AGAP1: variants seen among roughly 807,000 people sequenced by gnomAD.
AGAP1 encodes the protein ArfGAP with GTPase domain, ankyrin repeat and PH domain 1.
A neutral mutation model predicts 105.3 loss-of-function variants in AGAP1; 29 were observed. The ratio of observed to expected loss-of-function variants is 0.28; its 90% CI spans 0.21 to 0.38. The LOEUF (loss-of-function observed/expected upper bound fraction) is 0.38, where lower values mean the gene tolerates loss of function less well. Ranked by LOEUF, AGAP1 falls within the 10% of genes least tolerant of loss-of-function variation. The probability of loss-of-function intolerance (pLI) is 1.00; values close to 1 mark genes in which losing one functional copy is unlikely to be tolerated. For missense variants in AGAP1, 998 were observed against 1,165.1 expected (o/e 0.86, Z 2.09); for synonymous variants, 509 against 485.9 (o/e 1.05, Z -0.63).
rs561671043 is a variant in AGAP1, at chr2:235,878,520, C to T, written c.1051-4825C>T. ...TAGTTTCCAGCAGCCCTGGGCACCCCGTTCCTGGAATTTGCTAGTCGGGTT... is the reference window on the plus strand; with the variant it reads ...TAGTTTCCAGCAGCCCTGGGCACCCTGTTCCTGGAATTTGCTAGTCGGGTT... On this transcript the variant is annotated intron_variant, in intron 9 of 17. Transcript: ENST00000304032. Among the ~76,000 whole-genome samples, 17 of 152,218 alleles carry T rather than the reference C, an allele frequency of 1.1e-4. No individual in the cohort carries two copies. In the South Asian group the frequency reaches 3.3e-3, roughly 30 times the overall value.
chr2:235,761,729 A>G (rs974598893), intron 6 of AGAP1, among the ~76,000 whole-genome samples: 1 of 152,234 alleles, frequency 6.6e-6, no homozygotes, highest in Non-Finnish European at 1.5e-5. Flanking sequence ...ATATTACTTA[A>G]CTAGGATAGT....
chr2:236,123,836 G>T lies in AGAP1; in HGVS notation c.2371-83G>T, dbSNP rs2059958678. 6.5e-7 allele frequency: 1 copy of T among 1,542,626 alleles called. No individual in the cohort carries two copies. The highest frequency in any genetic ancestry group is 1.4e-5 in the African/African-American group (1 of 73,514). On this transcript the variant is annotated intron_variant, in intron 17 of 17. Coordinates refer to ENST00000304032, the MANE Select transcript of AGAP1 (RefSeq NM_001037131.3). This position sits in a 1 kb window ranked among gnomAD's most constrained non-coding sequence, Gnocchi z 4.6. ...CCCGCTGTCCAAGCACAAGCCACAT[G>T]CAAGGGCTGAGAGAAAGCTTCCCTG...
chr2:235,520,557 C>T (rs1942576372), intron 1 of AGAP1, among the ~76,000 whole-genome samples: 1 of 152,124 alleles, frequency 6.6e-6, no homozygotes, highest in Non-Finnish European at 1.5e-5. Context: ...CTGTGTGGTT[C>T]ATCAGGAGGA....
rs528990899 is a variant in AGAP1, at chr2:235,961,735, C to T, written c.1484-6727C>T. ...CCATCCTGGCCAACATGTTGAAACCCGTCTCTACTAAAAATACGAAAATTA... is the reference window on the plus strand; with the variant it reads ...CCATCCTGGCCAACATGTTGAAACCTGTCTCTACTAAAAATACGAAAATTA... On this transcript the variant is annotated intron_variant, in intron 12 of 17. Transcript: ENST00000304032. The surrounding 1 kb of genome is among the most constrained non-coding windows in gnomAD (Gnocchi z 5.9). 2.3e-3 allele frequency among the ~76,000 whole-genome samples: 344 copies of T among 152,292 alleles called. 1 individual carries two copies. Among genetic ancestry groups the T allele is most frequent in the African/African-American group, 7.9e-3 (330 of 41,552 alleles).
chr2:235,607,786 G>A (rs1044034844), intron 1 of AGAP1, among the ~76,000 whole-genome samples: 24 of 152,340 alleles, frequency 1.6e-4, no homozygotes, highest in African/African-American at 5.8e-4. Context: ...CGAGACTGCT[G>A]CGCTGGTGGG....
At chr2:235,671,055 G>A in intron 1 of AGAP1, 1 of 1,270,376 alleles carries the variant, frequency 7.9e-7, no homozygotes, top group East Asian at 3.1e-5. Flanking sequence ...TCCCCGCGCA[G>A]AGGTGGGCAG....
chr2:235,758,984 G>A (rs1485578518), intron 6 of AGAP1, among the ~76,000 whole-genome samples: 1 of 151,818 alleles, frequency 6.6e-6, no homozygotes, highest in Non-Finnish European at 1.5e-5. Context: ...GTAGAAATGG[G>A]GTTTTGCCAT....
At chr2:235,912,391 T>C (rs1488522923) in intron 11 of AGAP1, among the ~76,000 whole-genome samples, 2 of 152,180 alleles carry the variant, frequency 1.3e-5, no homozygotes, top group Admixed American at 1.3e-4. Context: ...AAAATAGGTA[T>C]TAGAGAGCTG....
intron 6 of AGAP1, among the ~76,000 whole-genome samples, chr2:235,791,459 A>G (rs1259780722): frequency 1.3e-5 from 2 of 152,126 alleles, no homozygotes; most frequent in South Asian, 2.1e-4. Flanking sequence ...GATTAGGGAC[A>G]AACTGTCCCT....
intron 9 of AGAP1, among the ~76,000 whole-genome samples, chr2:235,814,108 G>C (rs1214034408): frequency 6.6e-6 from 1 of 152,194 alleles, no homozygotes; most frequent in African/African-American, 2.4e-5. Flanking sequence ...GCACAGGATG[G>C]GGGGAGTGGC....
intron 3 of AGAP1, among the ~76,000 whole-genome samples, chr2:235,718,066 C>A (rs780312095): frequency 5.9e-5 from 9 of 152,120 alleles, no homozygotes; most frequent in Non-Finnish European, 1.0e-4. Context: ...AGATTACCAC[C>A]ACCATATGTT....
At position 235,842,441 on chromosome 2, in the gene AGAP1, C is replaced by T. The variant is rs550505134; in HGVS notation, c.1050+35110C>T. On this transcript the variant is annotated intron_variant, in intron 9 of 17. Transcript: ENST00000304032. This position sits in a 1 kb window ranked among gnomAD's most constrained non-coding sequence, Gnocchi z 5.3. ...TGAATAGGTTGTTTTCTCTGGTCAC[C>T]GTTTGGCAATGGAAGGTACTAGGTC... 3.5e-4 allele frequency among the ~76,000 whole-genome samples: 53 copies of T among 152,264 alleles called. No homozygotes were observed. Among genetic ancestry groups the T allele is most frequent in the African/African-American group, 1.2e-3 (48 of 41,534 alleles).
chr2:236,112,308 C>T (rs2059667480), intron 16 of AGAP1, among the ~76,000 whole-genome samples: 2 of 151,964 alleles, frequency 1.3e-5, no homozygotes, highest in Admixed American at 1.3e-4. Flanking sequence ...CCCAGCTATT[C>T]AGGAGGCTGA....
At chr2:235,797,981 T>C in intron 7 of AGAP1, 95 bp downstream of exon 7, 3 of 1,456,172 alleles carry the variant, frequency 2.1e-6, no homozygotes, top group Non-Finnish European at 2.8e-6. Flanking sequence ...TTTTTTTTCT[T>C]TTCAACTTTA....
chr2:235,701,986 C>T lies in AGAP1; in HGVS notation c.164-7193C>T, dbSNP rs994722269. On this transcript the variant is annotated intron_variant, in intron 1 of 17. Coordinates refer to ENST00000304032, the MANE Select transcript of AGAP1 (RefSeq NM_001037131.3). The surrounding 1 kb of genome is among the most constrained non-coding windows in gnomAD (Gnocchi z 4.1). ...AAAATAATAGTTAAAATCCTTGTGA[C>T]GTTTAAGGTTTTCAAAGAAAATTCC... Among the ~76,000 whole-genome samples, 13 of 152,056 alleles carry T rather than the reference C, an allele frequency of 8.5e-5. No individual in the cohort carries two copies. The highest frequency in any genetic ancestry group is 2.1e-4 in the South Asian group (1 of 4,820).
chr2:235,824,096 A>C lies in AGAP1; in HGVS notation c.1050+16765A>C, dbSNP rs1958944558. Among the ~76,000 whole-genome samples, 1 of 152,218 alleles carries C rather than the reference A, an allele frequency of 6.6e-6. No homozygotes were observed. Among genetic ancestry groups the C allele is most frequent in the Admixed American group, 6.5e-5 (1 of 15,274 alleles). On this transcript the variant is annotated intron_variant, in intron 9 of 17. Coordinates refer to ENST00000304032, the MANE Select transcript of AGAP1 (RefSeq NM_001037131.3). The surrounding 1 kb of genome is among the most constrained non-coding windows in gnomAD (Gnocchi z 5.2). ...TAACTTAACTTATATATAACTTAAC[A>C]TTCTGTTTATGTTAAAAATTCAGGC... is the stretch of plus-strand genomic sequence containing the variant.
chr2:236,072,593 C>G (rs1248614337), intron 16 of AGAP1: 2 of 152,130 alleles, frequency 1.3e-5, no homozygotes, highest in Non-Finnish European at 2.9e-5. Context: ...TATGAGCTAC[C>G]ATGCCCAGCT....
At chr2:235,715,344 C>T (rs994692459) in intron 2 of AGAP1, among the ~76,000 whole-genome samples, 33 of 152,146 alleles carry the variant, frequency 2.2e-4, no homozygotes, top group African/African-American at 7.0e-4. Flanking sequence ...TCTTGGCCCT[C>T]GGGGTCCTAA....
rs138209070 is a variant in AGAP1, at chr2:235,600,866, A to G, written c.163+106017A>G. On this transcript the variant is annotated intron_variant, in intron 1 of 17. Transcript: ENST00000304032. The surrounding 1 kb of genome is among the most constrained non-coding windows in gnomAD (Gnocchi z 4.8). ...CAGGATCAATACTTTGCATCTTTCAATCCAGTCAGGTTGACACTCAGTATT... is the reference window on the plus strand; with the variant it reads ...CAGGATCAATACTTTGCATCTTTCAGTCCAGTCAGGTTGACACTCAGTATT... Among the ~76,000 whole-genome samples, 1 of 152,260 alleles carries G rather than the reference A, an allele frequency of 6.6e-6. No individual in the cohort carries two copies. Among genetic ancestry groups the G allele is most frequent in the African/African-American group, 2.4e-5 (1 of 41,546 alleles).
Sources: allele counts gnomAD v4.1 joint callset (sites outside exome capture counted in the v4.1 genomes callset), GRCh38; gene constraint gnomAD v4.1.1; non-coding constraint Gnocchi (gnomAD v3.1); transcripts MANE v1.5; gene names NCBI Gene and HGNC (gene_info 2026-07-23, HGNC 2026-07-21).